The following CHIT1 variants were observed in gnomAD, a reference collection of about 807,000 sequenced individuals.
CHIT1 encodes the protein chitotriosidase-1.
CHIT1 carries 47 observed loss-of-function variants against 52.0 expected under a neutral mutation model. The ratio of observed to expected loss-of-function variants is 0.90; its 90% CI spans 0.71 to 1.15. CHIT1 has a LOEUF of 1.15. Among genes scored for constraint, CHIT1 ranks in the 50% most tolerant of loss-of-function variants. CHIT1 has a pLI of 0.00. For synonymous variants in CHIT1, 242 were observed against 228.2 expected (o/e 1.06, Z -0.54); for missense variants, 569 against 583.0 (o/e 0.98, Z 0.25).
intron 6 of CHIT1, 109 bp from the exon 7 acceptor site, chr1:203,222,434 G>A (rs746552458): frequency 3.4e-5 from 52 of 1,540,798 alleles, no homozygotes; most frequent in Non-Finnish European, 4.5e-5. Context: ...AACCACTGGG[G>A]TCAGAGGCAA....
chr1:203,222,775 A>G (rs1485154564), intron 6 of CHIT1, among the ~76,000 whole-genome samples: 1 of 152,122 alleles, frequency 6.6e-6, no homozygotes, highest in Admixed American at 6.5e-5. Context: ...CTGCGAGTCC[A>G]CATGCTGTAC....
chr1:203,226,262 C>G (rs545162933), intron 2 of CHIT1, among the ~76,000 whole-genome samples: 6 of 152,166 alleles, frequency 3.9e-5, no homozygotes, highest in Non-Finnish European at 7.4e-5. Flanking sequence ...TCTCAGAGTC[C>G]GAGCTCCCAG....
chr1:203,227,670 G>C (rs1656974401), intron 2 of CHIT1, among the ~76,000 whole-genome samples: 1 of 152,216 alleles, frequency 6.6e-6, no homozygotes, highest in Admixed American at 6.5e-5. Context: ...AAGAAGTTCT[G>C]TTCTAGGTGC....
chr1:203,222,089 T>C (rs971076188), intron 7 of CHIT1, 113 bp downstream of exon 7: 1 of 1,460,298 alleles, frequency 6.8e-7, no homozygotes. Context: ...AAGCTTCTTG[T>C]TTCTCAGTGC....
At chr1:203,217,256 TA>T (rs1656567524) in intron 10 of CHIT1, 123 bp from the exon 11 acceptor site, 8 of 1,575,430 alleles carry the variant, frequency 5.1e-6, no homozygotes, top group African/African-American at 1.3e-5. Context: ...ACAGGCTGAG[TA>T]CAGCCAGATA....
Position 203,216,765 on chromosome 1 carries a change from T to G in CHIT1, c.*124A>C, listed in dbSNP as rs761217387. On this transcript the variant is annotated 3_prime_UTR_variant, in exon 11 of 11. Coordinates refer to ENST00000367229, the MANE Select transcript of CHIT1 (RefSeq NM_003465.3). ...CAAGGCTGAGAGCAGAAAGCCTGGA[T>G]AAAGGAAGACCACAGAAAGGCCTGC... 3.1e-4 allele frequency: 404 copies of G among 1,321,614 alleles called. No homozygotes were observed. The highest frequency in any genetic ancestry group is 4.1e-4 in the Non-Finnish European group (382 of 923,218). The allele number at this position is 1,321,614 out of a possible 1,614,324, so 81.9% of individuals were successfully genotyped here.
At chr1:203,228,694 A>AG in intron 1 of CHIT1, 132 bp from the exon 2 acceptor site, 2 of 1,069,980 alleles carry the variant, frequency 1.9e-6, no homozygotes, top group Non-Finnish European at 2.8e-6. Context: ...TCCTTTCAGA[A>AG]GGGACCCAGG....
intron 7 of CHIT1, among the ~76,000 whole-genome samples, chr1:203,220,070 G>T (rs748205592): frequency 1.1e-4 from 17 of 152,234 alleles, no homozygotes; most frequent in Non-Finnish European, 2.1e-4. Context: ...GAGAGCGTGG[G>T]CTTCGGACGC....
intron 4 of CHIT1, among the ~76,000 whole-genome samples, chr1:203,223,879 C>T (rs1656833589): frequency 6.6e-6 from 1 of 152,144 alleles, no homozygotes; most frequent in Admixed American, 6.5e-5. Context: ...TACCCCCGAA[C>T]ATCGACATCA....
intron 4 of CHIT1, 116 bp downstream of exon 4, chr1:203,224,932 C>G: frequency 4.2e-6 from 4 of 945,266 alleles, no homozygotes; most frequent in Admixed American, 1.9e-5. Context: ...GCTCCCCTCC[C>G]CTTTCCCCTG....
chr1:203,218,475 C>T (rs1276626434), intron 9 of CHIT1, among the ~76,000 whole-genome samples: 1 of 152,142 alleles, frequency 6.6e-6, no homozygotes, highest in Non-Finnish European at 1.5e-5. Context: ...TAGCTCCCTT[C>T]CTCTACCTGC....
Position 203,225,749 on chromosome 1 carries a change from A to T in CHIT1, c.177T>A (p.Ala59=), listed in dbSNP as rs201530045. ...SLCTHLIYAF[A]GMTNHQLSTT... Reference sequence around the variant, plus strand: ...TGCTCAGCTGGTGGTTGGTCATGCCAGCGAAGGCGTAGATGAGGTGGGTGC... The same window carrying T: ...TGCTCAGCTGGTGGTTGGTCATGCCTGCGAAGGCGTAGATGAGGTGGGTGC... The change falls in exon 3 of 11, where the codon GCT becomes GCA. Residue 59 remains alanine, a synonymous_variant. Coordinates refer to ENST00000367229, the MANE Select transcript of CHIT1 (RefSeq NM_003465.3). 2.5e-6 allele frequency: 4 copies of T among 1,614,104 alleles called. No individual in the cohort carries two copies. The East Asian group carries it at 8.9e-5, about 36-fold the overall frequency.
At chr1:203,229,733 G>A (rs1437927336), upstream of CHIT1, 3 of 1,384,622 alleles carry the variant, frequency 2.2e-6, no homozygotes, top group Non-Finnish European at 3.0e-6. Flanking sequence ...AGCCAGGAGT[G>A]TTGCAATCAG....
chr1:203,227,752 G>A (rs1571851625), intron 2 of CHIT1, among the ~76,000 whole-genome samples: 1 of 152,220 alleles, frequency 6.6e-6, no homozygotes, highest in Admixed American at 6.5e-5. Flanking sequence ...CCCAGAAGTA[G>A]CCTGGACTAA....
chr1:203,222,286 A>G lies in CHIT1; in HGVS notation c.645T>C (p.His215=), dbSNP rs1656767565. The change falls in exon 7 of 11, where the codon CAT becomes CAC. Residue 215 remains histidine, a synonymous_variant. Transcript: ENST00000367229. ...DFVNLMAYDF[H]GSWEKVTGHN... ...GTCCCGTGACCTTCTCCCAAGAGCC[A>G]TGGAAGTCGTAGGCCATAAGGTTGA... is the stretch of plus-strand genomic sequence containing the variant. 1 of 1,614,190 alleles carries G rather than the reference A, an allele frequency of 6.2e-7. No individual in the cohort carries two copies. Among genetic ancestry groups the G allele is most frequent in the East Asian group, 2.2e-5 (1 of 44,874 alleles).
intron 6 of CHIT1, 40 bp downstream of exon 6, chr1:203,223,095 C>G: frequency 2.5e-6 from 4 of 1,613,128 alleles, no homozygotes; most frequent in Middle Eastern, 1.6e-4. Context: ...CCTCTCTTCC[C>G]TCAGAGAGCA....
intron 6 of CHIT1, 21 bp from the exon 7 acceptor site, chr1:203,222,346 G>A (rs1558160829): frequency 1.2e-6 from 2 of 1,614,162 alleles, no homozygotes; most frequent in East Asian, 2.2e-5. Flanking sequence ...CATGGAAGAG[G>A]AGGTGAGAAA....
chr1:203,229,284 A>T (rs1657046683), intron 1 of CHIT1, among the ~76,000 whole-genome samples: 1 of 152,162 alleles, frequency 6.6e-6, no homozygotes, highest in Non-Finnish European at 1.5e-5. Context: ...ACCTAAGAAC[A>T]TGGGAAAGAC....
At chr1:203,222,632 T>C (rs1454433118) in intron 6 of CHIT1, among the ~76,000 whole-genome samples, 1 of 152,204 alleles carries the variant, frequency 6.6e-6, no homozygotes, top group Non-Finnish European at 1.5e-5. Flanking sequence ...GAGGGAACTC[T>C]AGCTTAGGGT....
Sources: gnomAD v4.1 joint callset for allele counts (sites outside exome capture counted in the v4.1 genomes callset) on GRCh38, gnomAD v4.1.1 for gene constraint, MANE v1.5 for transcripts, NCBI Gene and HGNC (gene_info 2026-07-23, HGNC 2026-07-21) for gene names.